EPHA5: variants seen among roughly 807,000 people sequenced by gnomAD.
EPHA5 encodes ephrin type-A receptor 5.
In EPHA5, 60 loss-of-function variants were observed where a neutral mutation model predicts 105.0. That is an observed-to-expected ratio of 0.57 (90% confidence interval 0.46 to 0.71). The LOEUF is 0.71. Ranked by LOEUF, EPHA5 falls within the 30% of genes least tolerant of loss-of-function variation. EPHA5 has a pLI of 0.00. For synonymous variants in EPHA5, 513 were observed against 449.1 expected (o/e 1.14, Z -1.80); for missense variants, 1,218 against 1,274.7 (o/e 0.96, Z 0.68).
chr4:65,416,636 C>T (rs943030964), intron 6 of EPHA5, among the ~76,000 whole-genome samples: 3 of 152,118 alleles, frequency 2.0e-5, no homozygotes, highest in South Asian at 2.1e-4. Flanking sequence ...GCTGCTGCTC[C>T]TTGAAATAAG....
chr4:65,480,723 T>A (rs1730273742), intron 5 of EPHA5, among the ~76,000 whole-genome samples: 1 of 152,140 alleles, frequency 6.6e-6, no homozygotes, highest in Admixed American at 6.6e-5. Context: ...TGTGGTAGCG[T>A]TTTGGGCATT....
At chr4:65,615,419 G>A (rs148618828) in intron 2 of EPHA5, among the ~76,000 whole-genome samples, 146 of 151,920 alleles carry the variant, frequency 9.6e-4, no homozygotes, top group Non-Finnish European at 1.7e-3. Flanking sequence ...ACTCAGTAGA[G>A]AGGAACAAGA....
rs1578745719 is a variant in EPHA5 at position 65,669,736 on chromosome 4, C to T, written c.7G>A (p.Gly3Ser). ...CGTCCCGCACCCCGGGGCCCCGAGCCCCGCATCTTCTCCGAGCCTCCTCCG... is the reference window on the plus strand; with the variant it reads ...CGTCCCGCACCCCGGGGCCCCGAGCTCCGCATCTTCTCCGAGCCTCCTCCG... MR[G>S]SGPRGAGRRR... The change falls in exon 1 of 17, where the codon GGC becomes AGC. Residue 3 changes from glycine (G) to serine (S), a missense_variant. Gly to Ser is a moderately conservative substitution (Grantham distance 56, BLOSUM62 0). Around this residue, in one of 3 missense-constraint regions of EPHA5, gnomAD observed 233 missense variants for 227.5 expected, o/e 1.02. Transcript: ENST00000613740. 2 of 1,259,912 alleles carry T rather than the reference C, an allele frequency of 1.6e-6. No individual in the cohort carries two copies. The highest frequency in any genetic ancestry group is 1.0e-6 in the Non-Finnish European group (1 of 1,001,600). 78.0% of individuals were successfully genotyped at this position (1,259,912 alleles called of 1,614,324 possible).
intron 6 of EPHA5, among the ~76,000 whole-genome samples, chr4:65,416,813 A>C (rs555288087): frequency 6.6e-6 from 1 of 152,202 alleles, no homozygotes; most frequent in Non-Finnish European, 1.5e-5. Flanking sequence ...TAGTGGATCA[A>C]AACCAACGAA....
At chr4:65,418,048 GT>G (rs1723563061) in intron 6 of EPHA5, among the ~76,000 whole-genome samples, 1 of 152,050 alleles carries the variant, frequency 6.6e-6, no homozygotes, top group Non-Finnish European at 1.5e-5. Flanking sequence ...TAAACTTTTA[GT>G]CTCCCAGCTA....
At chr4:65,640,278 T>TTTTTC (rs1434204750) in intron 2 of EPHA5, among the ~76,000 whole-genome samples, 1 of 118,430 alleles carries the variant, frequency 8.4e-6, no homozygotes, top group African/African-American at 3.2e-5. Context: ...TTGCTCAGTT[T>TTTTTC]TTTCTTTTTT....
At chr4:65,432,334 A>C (rs1460536606) in intron 5 of EPHA5, among the ~76,000 whole-genome samples, 1 of 152,196 alleles carries the variant, frequency 6.6e-6, no homozygotes, top group African/African-American at 2.4e-5. Context: ...GAAACTTGCC[A>C]TAGATATAGA....
At chr4:65,663,465 A>C (rs1471932834) in intron 1 of EPHA5, among the ~76,000 whole-genome samples, 2 of 151,918 alleles carry the variant, frequency 1.3e-5, no homozygotes, top group African/African-American at 4.8e-5. Flanking sequence ...CTTTTAGGGA[A>C]AAAAAAATAA....
chr4:65,365,214 G>T lies in EPHA5; in HGVS notation c.1988-12C>A. Reference sequence around the variant, plus strand: ...TTCACCAAATTCACCTTGTGATAAAGATGAAAAAAATGCAAAAACTCATTT... The same window carrying T: ...TTCACCAAATTCACCTTGTGATAAATATGAAAAAAATGCAAAAACTCATTT... On this transcript the variant is annotated splice_polypyrimidine_tract_variant and intron_variant, in intron 10 of 16. Transcript: ENST00000613740. 1 of 1,603,490 alleles carries T rather than the reference G, an allele frequency of 6.2e-7. No individual in the cohort carries two copies. Among genetic ancestry groups the T allele is most frequent in the Non-Finnish European group, 8.5e-7 (1 of 1,174,136 alleles).
At chr4:65,360,038 AGCATT>A (rs1182745605) in intron 11 of EPHA5, among the ~76,000 whole-genome samples, 1 of 151,486 alleles carries the variant, frequency 6.6e-6, no homozygotes, top group African/African-American at 2.4e-5. Flanking sequence ...GTTCCCTTAG[AGCATT>A]GCTAGTCCCT....
chr4:65,349,338 T>A (rs1483300301), intron 13 of EPHA5, among the ~76,000 whole-genome samples: 1 of 101,302 alleles, frequency 9.9e-6, no homozygotes, highest in African/African-American at 3.2e-5. Context: ...GGCATAAAAA[T>A]TGATTTGGAG....
chr4:65,449,319 C>A (rs115498661), intron 5 of EPHA5, among the ~76,000 whole-genome samples: 397 of 152,072 alleles, frequency 2.6e-3, no homozygotes, highest in African/African-American at 9.1e-3. Flanking sequence ...ATGATAAAAG[C>A]AAGCATTAAT....
intron 15 of EPHA5, among the ~76,000 whole-genome samples, chr4:65,335,396 C>G (rs7699858): frequency 0.29 from 44,651 of 151,826 alleles, 7,440 homozygotes; most frequent in South Asian, 0.44. Context: ...ACTCATTTAT[C>G]AGTTTTAAAT....
chr4:65,557,721 A>C (rs1390939858), intron 3 of EPHA5, among the ~76,000 whole-genome samples: 2 of 152,088 alleles, frequency 1.3e-5, no homozygotes, highest in African/African-American at 4.8e-5. Context: ...ATGCAGCAAG[A>C]TTCTGGCAAC....
intron 5 of EPHA5, among the ~76,000 whole-genome samples, chr4:65,446,005 T>C (rs1005717499): frequency 6.6e-6 from 1 of 152,166 alleles, no homozygotes; most frequent in Admixed American, 6.5e-5. Context: ...AATAACATCC[T>C]AACTGGTGTT....
chr4:65,540,074 T>G (rs1736671113), intron 3 of EPHA5, among the ~76,000 whole-genome samples: 1 of 151,392 alleles, frequency 6.6e-6, no homozygotes, highest in Non-Finnish European at 1.5e-5. Context: ...ACTGACAAAG[T>G]CAGCACCATG....
chr4:65,549,097 A>G (rs931231282), intron 3 of EPHA5, among the ~76,000 whole-genome samples: 2 of 152,190 alleles, frequency 1.3e-5, no homozygotes, highest in African/African-American at 4.8e-5. Context: ...GTAAAAGTGC[A>G]CAAAACCAAA....
intron 8 of EPHA5, among the ~76,000 whole-genome samples, chr4:65,394,756 A>G (rs1021732069): frequency 6.6e-6 from 1 of 152,178 alleles, no homozygotes; most frequent in Non-Finnish European, 1.5e-5. Flanking sequence ...TCTAGTATTG[A>G]GACATCGTGG....
At chr4:65,535,072 T>G (rs1229343495) in intron 3 of EPHA5, among the ~76,000 whole-genome samples, 1 of 152,148 alleles carries the variant, frequency 6.6e-6, no homozygotes, top group Non-Finnish European at 1.5e-5. Context: ...TTGAACAGAG[T>G]CCACATGCTA....
Sources: gnomAD v4.1 joint callset for allele counts (sites outside exome capture counted in the v4.1 genomes callset) on GRCh38, gnomAD v4.1.1 for gene constraint, gnomAD v4.1.1 regional missense constraint, MANE v1.5 for transcripts, NCBI Gene and HGNC (gene_info 2026-07-23, HGNC 2026-07-21) for gene names.